The following AP3S1 variants were observed in gnomAD, a reference collection of about 807,000 sequenced individuals.
AP3S1 encodes the protein AP-3 complex subunit sigma-1.
In AP3S1, 12 loss-of-function variants were observed where a neutral mutation model predicts 21.3. The ratio of observed to expected loss-of-function variants is 0.56; its 90% CI spans 0.36 to 0.91. AP3S1 has a LOEUF of 0.91. AP3S1 is among the 40% of genes least tolerant of loss of function. The pLI, the probability that AP3S1 is intolerant of heterozygous loss-of-function variation, is 0.01. For missense variants in AP3S1, 116 were observed against 225.0 expected (o/e 0.52, Z 3.10); for synonymous variants, 48 against 78.4 (o/e 0.61, Z 2.05).
intron 3 of AP3S1, among the ~76,000 whole-genome samples, chr5:115,872,434 G>T (rs920704732): frequency 3.9e-5 from 6 of 152,098 alleles, no homozygotes; most frequent in Non-Finnish European, 7.4e-5. Context: ...AAACCACAAG[G>T]TAATCATGGC....
At chr5:115,844,554 A>G (rs899249951) in intron 1 of AP3S1, among the ~76,000 whole-genome samples, 5 of 152,118 alleles carry the variant, frequency 3.3e-5, no homozygotes, top group African/African-American at 7.2e-5. Flanking sequence ...CCCTGAGGAG[A>G]GCGCCTGTTT....
chr5:115,893,352 A>G (rs1750481241), intron 3 of AP3S1, among the ~76,000 whole-genome samples: 1 of 152,226 alleles, frequency 6.6e-6, no homozygotes, highest in South Asian at 2.1e-4. Flanking sequence ...ATTGTACAAC[A>G]AGAAAAGGAA....
chr5:115,881,108 G>T (rs572216162), intron 3 of AP3S1, among the ~76,000 whole-genome samples: 82 of 151,800 alleles, frequency 5.4e-4, no homozygotes, highest in Non-Finnish European at 7.7e-4. Context: ...CACGTGAAGG[G>T]GTCTTCTGAA....
rs183918187 is a variant in AP3S1 at position 115,859,315 on chromosome 5, T to A, written c.70-7355T>A. 5.9e-5 allele frequency among the ~76,000 whole-genome samples: 9 copies of A among 152,342 alleles called. 1 individual carries two copies. In the South Asian group the frequency reaches 6.2e-4, roughly 11 times the overall value. On this transcript the variant is annotated intron_variant, in intron 1 of 5. Coordinates refer to ENST00000316788, the MANE Select transcript of AP3S1 (RefSeq NM_001284.4). ...GGTGTTCTTGGTCAACTAGAACCTT[T>A]CATGTGGGCCTTTTTTTATCATTCT...
rs1000079128 is a variant in AP3S1, at chr5:115,904,193, ATTTTTATAATTATTAGTG to A, written c.453+1204_453+1221del. Reference sequence around the variant, plus strand: ...ACTCAGATTGGAAAAAACAGACTTTATTTTTATAATTATTAGTGTTAAGCTCAGATGTTTCGTTGATTT... The same window carrying A: ...ACTCAGATTGGAAAAAACAGACTTTATTAAGCTCAGATGTTTCGTTGATTT... On this transcript the variant is annotated intron_variant, in intron 5 of 5. Transcript: ENST00000316788. 7.2e-5 allele frequency: 11 copies of A among 152,176 alleles called. 1 individual carries two copies. Among genetic ancestry groups the A allele is most frequent in the Admixed American group, 5.2e-4 (8 of 15,284 alleles). The allele number at this position is 152,176 out of a possible 1,614,324, so 9.4% of individuals were successfully genotyped here.
intron 3 of AP3S1, 45 bp downstream of exon 3, chr5:115,870,173 A>T: frequency 2.4e-6 from 3 of 1,254,674 alleles, no homozygotes; most frequent in Non-Finnish European, 3.4e-6. Context: ...ACAGTTTGAC[A>T]TTTAAATTTT....
intron 3 of AP3S1, among the ~76,000 whole-genome samples, chr5:115,884,737 T>C (rs530519633): frequency 1.8e-4 from 28 of 152,250 alleles, no homozygotes; most frequent in African/African-American, 5.3e-4. Context: ...CATGAAAATA[T>C]TAATATTATA....
chr5:115,867,580 G>T (rs1012629697), intron 2 of AP3S1, among the ~76,000 whole-genome samples: 5 of 152,102 alleles, frequency 3.3e-5, no homozygotes, highest in African/African-American at 1.2e-4. Flanking sequence ...TTTTTATCAT[G>T]TGGAACACTT....
At chr5:115,897,917 A>T (rs1181108376) in intron 4 of AP3S1, among the ~76,000 whole-genome samples, 1 of 152,132 alleles carries the variant, frequency 6.6e-6, no homozygotes, top group African/African-American at 2.4e-5. Context: ...CAACCCTCAG[A>T]CTGCTTCTGG....
intron 1 of AP3S1, among the ~76,000 whole-genome samples, chr5:115,855,825 G>A (rs936224089): frequency 3.3e-5 from 5 of 151,832 alleles, no homozygotes; most frequent in Non-Finnish European, 7.4e-5. Context: ...GTGAATGAAT[G>A]CATTTTAAGA....
chr5:115,847,080 C>T (rs1177056079), intron 1 of AP3S1, among the ~76,000 whole-genome samples: 1 of 152,142 alleles, frequency 6.6e-6, no homozygotes, highest in African/African-American at 2.4e-5. Flanking sequence ...GTAATCAGTT[C>T]AATTCAGAAA....
chr5:115,876,953 G>A (rs1487596894), intron 3 of AP3S1, among the ~76,000 whole-genome samples: 1 of 152,118 alleles, frequency 6.6e-6, no homozygotes, highest in Non-Finnish European at 1.5e-5. Context: ...ACAGGTTTAT[G>A]CACCATAAAG....
At chr5:115,862,472 G>A (rs552343245) in intron 1 of AP3S1, among the ~76,000 whole-genome samples, 67 of 152,242 alleles carry the variant, frequency 4.4e-4, no homozygotes, top group African/African-American at 1.5e-3. Flanking sequence ...CGTAGAGACT[G>A]GACGTGGTGC....
At position 115,895,152 on chromosome 5, in the gene AP3S1, A is replaced by T. The variant is rs781255334; in HGVS notation, c.339A>T (p.Val113=). The change falls in exon 4 of 6, where the codon GTA becomes GTT. Residue 113 remains valine, a synonymous_variant. Transcript: ENST00000316788. Reference sequence around the variant, plus strand: ...GTGAGCTGGATTTGATTTTCCATGTAGACAAGGTACTATTTGTATTGTCAC... The same window carrying T: ...GTGAGCTGGATTTGATTTTCCATGTTGACAAGGTACTATTTGTATTGTCAC... ...NVCELDLIFH[V]DKVHNILAEM... The T allele has an allele frequency of 6.2e-7, 1 of 1,602,906 alleles. No homozygotes were observed. The highest frequency in any genetic ancestry group is 1.1e-5 in the South Asian group (1 of 88,806).
intron 3 of AP3S1, among the ~76,000 whole-genome samples, chr5:115,875,734 T>G (rs1748656999): frequency 6.6e-6 from 1 of 152,192 alleles, no homozygotes; most frequent in Non-Finnish European, 1.5e-5. Context: ...CCTCCTACAT[T>G]ATACTGTATT....
chr5:115,898,122 C>G (rs977775514), intron 4 of AP3S1, among the ~76,000 whole-genome samples: 1 of 152,194 alleles, frequency 6.6e-6, no homozygotes, highest in African/African-American at 2.4e-5. Flanking sequence ...GGTAACAAAG[C>G]TGCCACTATC....
rs552758668 is a variant in AP3S1, at chr5:115,886,218, G to A, written c.274-8869G>A. Among the ~76,000 whole-genome samples the A allele has an allele frequency of 7.2e-5, 11 of 152,274 alleles. No individual in the cohort carries two copies. In the South Asian group the frequency reaches 1.0e-3, roughly 14 times the overall value. On this transcript the variant is annotated intron_variant, in intron 3 of 5. Coordinates refer to ENST00000316788, the MANE Select transcript of AP3S1 (RefSeq NM_001284.4). ...TATACTTAAAGCAGTCGGAACAGTG[G>A]TAATGCCACAATACTGTGTAGAGTT...
chr5:115,902,852 C>A (rs755530135), intron 4 of AP3S1, 33 bp from the exon 5 acceptor site: 2 of 1,282,182 alleles, frequency 1.6e-6, no homozygotes, highest in African/African-American at 1.5e-5. Context: ...AGTGAATTTT[C>A]TTTATGGGTA....
chr5:115,852,932 C>T, intron 1 of AP3S1: 1 of 434,708 alleles, frequency 2.3e-6, no homozygotes, highest in Non-Finnish European at 4.6e-6. Context: ...GTGCTATGAA[C>T]ATTCATGTAT....
Sources: allele counts gnomAD v4.1 joint callset (sites outside exome capture counted in the v4.1 genomes callset), GRCh38; gene constraint gnomAD v4.1.1; transcripts MANE v1.5; gene names NCBI Gene and HGNC (gene_info 2026-07-23, HGNC 2026-07-21).